The following SPMAP2L variants were observed in gnomAD, a reference collection of about 807,000 sequenced individuals.
The protein encoded by SPMAP2L is sperm microtubule associated protein 2-like.
the SPMAP2L span, among the ~76,000 whole-genome samples, chr4:56,579,935 TAATA>T: frequency 6.6e-6 from 1 of 152,174 alleles, no homozygotes; most frequent in African/African-American, 2.4e-5. Flanking sequence ...GCGATTGAAT[TAATA>T]AAAAGCTTCC....
chr4:56,600,551 C>G, the SPMAP2L span, among the ~76,000 whole-genome samples: 3 of 152,290 alleles, frequency 2.0e-5, 1 homozygote, highest in South Asian at 6.2e-4. Context: ...CTTGGCCTCC[C>G]AAAGTGATAG....
chr4:56,539,538 C>T, the SPMAP2L span, among the ~76,000 whole-genome samples: 1 of 152,190 alleles, frequency 6.6e-6, no homozygotes, highest in African/African-American at 2.4e-5. Context: ...TCTCCTGCCT[C>T]AGCCTCCTGA....
At chr4:56,579,058 G>GC in the SPMAP2L span, among the ~76,000 whole-genome samples, 2 of 151,940 alleles carry the variant, frequency 1.3e-5, no homozygotes, top group Non-Finnish European at 2.9e-5. Flanking sequence ...AGAATAACAA[G>GC]CAGAAGATCA....
the SPMAP2L span, chr4:56,595,266 C>T: frequency 6.2e-7 from 1 of 1,612,502 alleles, no homozygotes; most frequent in African/African-American, 1.3e-5. Context: ...CGAGACCCTT[C>T]AAAAAGTCTG....
the SPMAP2L span, among the ~76,000 whole-genome samples, chr4:56,588,421 C>T: frequency 6.6e-6 from 1 of 151,162 alleles, no homozygotes; most frequent in Non-Finnish European, 1.5e-5. Context: ...TTTCCAGTGT[C>T]ATCTTCCAGA....
At chr4:56,544,462 AT>A in the SPMAP2L span, among the ~76,000 whole-genome samples, 4 of 151,936 alleles carry the variant, frequency 2.6e-5, no homozygotes, top group Non-Finnish European at 4.4e-5. Flanking sequence ...ACTGGAAACT[AT>A]TTTTTTTAAC....
the SPMAP2L span, among the ~76,000 whole-genome samples, chr4:56,585,500 C>T: frequency 3.9e-5 from 6 of 152,138 alleles, no homozygotes; most frequent in Admixed American, 3.9e-4. Context: ...TCTGCCACCA[C>T]AATCAGCTGA....
At chr4:56,537,811 G>A in the SPMAP2L span, among the ~76,000 whole-genome samples, 417 of 152,090 alleles carry the variant, frequency 2.7e-3, 2 homozygotes, top group African/African-American at 9.7e-3. Flanking sequence ...TCCTGCTTCA[G>A]CCTCCCGAGT....
the SPMAP2L span, among the ~76,000 whole-genome samples, chr4:56,566,662 G>A: frequency 7.0e-6 from 1 of 143,330 alleles, no homozygotes; most frequent in African/African-American, 2.5e-5. Flanking sequence ...ACTACTTAAT[G>A]TATGATGTAA....
chr4:56,564,060 G>GTTTC, the SPMAP2L span, among the ~76,000 whole-genome samples: 4 of 151,580 alleles, frequency 2.6e-5, no homozygotes, highest in African/African-American at 9.7e-5. Context: ...CAGATGACCT[G>GTTTC]TTTCTGAGTC....
chr4:56,597,226 C>T, the SPMAP2L span, among the ~76,000 whole-genome samples: 2 of 152,102 alleles, frequency 1.3e-5, no homozygotes, highest in Non-Finnish European at 2.9e-5. Context: ...TGCCAAAGTA[C>T]TAAAGTTGGG....
At chr4:56,548,621 C>T in the SPMAP2L span, among the ~76,000 whole-genome samples, 22 of 152,192 alleles carry the variant, frequency 1.4e-4, no homozygotes, top group East Asian at 3.7e-3. Flanking sequence ...TACTTAACTC[C>T]TTGATTTACC....
At chr4:56,592,910 G>C in the SPMAP2L span, 10 of 1,608,112 alleles carry the variant, frequency 6.2e-6, no homozygotes, top group Non-Finnish European at 8.5e-6. Flanking sequence ...CTTGGGGCTG[G>C]CGAGCATTGA....
the SPMAP2L span, among the ~76,000 whole-genome samples, chr4:56,624,115 C>T: frequency 6.6e-6 from 1 of 152,184 alleles, no homozygotes; most frequent in Non-Finnish European, 1.5e-5. Flanking sequence ...AGATGAGGAA[C>T]TTGTTGGGAA....
At chr4:56,591,023 A>T in the SPMAP2L span, among the ~76,000 whole-genome samples, 2 of 152,132 alleles carry the variant, frequency 1.3e-5, no homozygotes, top group Non-Finnish European at 2.9e-5. Flanking sequence ...TAAAAATGAT[A>T]CCCGAGGTGA....
chr4:56,573,169 A>G, the SPMAP2L span, among the ~76,000 whole-genome samples: 3 of 152,244 alleles, frequency 2.0e-5, no homozygotes, highest in African/African-American at 7.2e-5. Context: ...ATATGCAAAT[A>G]TGAAATTTAA....
the SPMAP2L span, chr4:56,593,289 C>A: frequency 8.4e-7 from 1 of 1,185,662 alleles, no homozygotes; most frequent in Non-Finnish European, 1.3e-6. Context: ...AGCTGTGCTA[C>A]AGACACAAGA....
At chr4:56,565,984 G>A in the SPMAP2L span, among the ~76,000 whole-genome samples, 2 of 151,866 alleles carry the variant, frequency 1.3e-5, no homozygotes, top group African/African-American at 4.8e-5. Flanking sequence ...ACCTATTTGT[G>A]TCTTTACATT....
At chr4:56,612,194 G>A in the SPMAP2L span, among the ~76,000 whole-genome samples, 1 of 152,170 alleles carries the variant, frequency 6.6e-6, no homozygotes, top group Non-Finnish European at 1.5e-5. Context: ...GGTACAGCCT[G>A]CATTGTGACT....
Sources: allele counts gnomAD v4.1 joint callset (sites outside exome capture counted in the v4.1 genomes callset), GRCh38; gene constraint gnomAD v4.1.1; transcripts MANE v1.5; gene names NCBI Gene and HGNC (gene_info 2026-07-23, HGNC 2026-07-21).